Variants in GABRG3 observed in about 807,000 individuals in gnomAD.
GABRG3 encodes gamma-aminobutyric acid receptor subunit gamma-3.
A neutral mutation model predicts 48.8 loss-of-function variants in GABRG3; 25 were observed. The observed-to-expected ratio is 0.51, with a 90% CI of 0.37 to 0.72. The LOEUF (loss-of-function observed/expected upper bound fraction) is 0.72, where lower values mean the gene tolerates loss of function less well. Among genes scored for constraint, GABRG3 ranks in the 30% least tolerant of loss-of-function variants. GABRG3 has a pLI of 0.00. For synonymous variants in GABRG3, 227 were observed against 217.6 expected, an observed-to-expected ratio of 1.04 and a Z score of -0.38; for missense variants, 394 against 577.9, an observed-to-expected ratio of 0.68 and a Z score of 3.26.
intron 3 of GABRG3, among the ~76,000 whole-genome samples, chr15:27,313,262 G>GTGTGTGTATA (rs1430430961): frequency 2.9e-5 from 1 of 34,560 alleles, no homozygotes; most frequent in African/African-American, 9.0e-5. Flanking sequence ...GTGTGTGTGT[G>GTGTGTGTATA]TATATATATA....
intron 3 of GABRG3, among the ~76,000 whole-genome samples, chr15:27,068,069 A>G (rs1896768500): frequency 1.3e-5 from 2 of 152,230 alleles, no homozygotes; most frequent in Non-Finnish European, 2.9e-5. Context: ...GATCATGGCC[A>G]TGGCTCAATG....
chr15:27,307,379 A>G (rs187834854), intron 3 of GABRG3, among the ~76,000 whole-genome samples: 1,048 of 21,852 alleles, frequency 0.048, 290 homozygotes, highest in African/African-American at 0.14. Context: ...AGGTTTATAT[A>G]TTTATATATA....
At chr15:27,483,713 G>A (rs1467768883) in intron 6 of GABRG3, among the ~76,000 whole-genome samples, 1 of 152,322 alleles carries the variant, frequency 6.6e-6, no homozygotes, top group East Asian at 1.9e-4. Flanking sequence ...AACTTAATGA[G>A]TACAGCTGGT....
At chr15:27,307,209 G>T (rs1892606586) in intron 3 of GABRG3, among the ~76,000 whole-genome samples, 2 of 133,104 alleles carry the variant, frequency 1.5e-5, no homozygotes, top group Admixed American at 7.9e-5. Flanking sequence ...ATACAAACAT[G>T]TTTATATATA....
chr15:27,004,640 C>G (rs1257407040), intron 2 of GABRG3, among the ~76,000 whole-genome samples: 2 of 152,210 alleles, frequency 1.3e-5, no homozygotes, highest in Admixed American at 6.5e-5. Context: ...CACGCCACTG[C>G]ACTCCAGCCT....
intron 3 of GABRG3, among the ~76,000 whole-genome samples, chr15:27,312,777 C>A (rs968905380): frequency 6.6e-6 from 1 of 151,976 alleles, no homozygotes; most frequent in Non-Finnish European, 1.5e-5. Flanking sequence ...ATGTTAATAC[C>A]TTCAAGATGA....
chr15:27,104,282 A>C (rs1432570462), intron 3 of GABRG3, among the ~76,000 whole-genome samples: 1 of 152,240 alleles, frequency 6.6e-6, no homozygotes, highest in Non-Finnish European at 1.5e-5. Flanking sequence ...TGGCTGAATC[A>C]GTGGTACGAG....
intron 3 of GABRG3, among the ~76,000 whole-genome samples, chr15:27,056,808 T>C (rs965178973): frequency 3.9e-4 from 59 of 152,216 alleles, no homozygotes; most frequent in African/African-American, 1.4e-3. Context: ...GTAGGGTAGC[T>C]TTTTAAGAAT....
At chr15:27,172,008 G>A (rs535411105) in intron 3 of GABRG3, among the ~76,000 whole-genome samples, 2 of 109,146 alleles carry the variant, frequency 1.8e-5, no homozygotes, top group African/African-American at 4.0e-5. Context: ...ACAGAAAAAC[G>A]GGGCCAAACT....
chr15:27,099,237 A>G (rs1270058885), intron 3 of GABRG3, among the ~76,000 whole-genome samples: 1 of 152,160 alleles, frequency 6.6e-6, no homozygotes, highest in African/African-American at 2.4e-5. Context: ...GTGCTAAGCC[A>G]CTCTGATGAC....
intron 3 of GABRG3, among the ~76,000 whole-genome samples, chr15:27,218,296 C>T (rs1889333027): frequency 6.6e-6 from 1 of 152,180 alleles, no homozygotes; most frequent in Non-Finnish European, 1.5e-5. Context: ...GCACCCAGCC[C>T]TGTTGTCAAC....
At chr15:27,052,141 G>A (rs1049937225) in intron 3 of GABRG3, among the ~76,000 whole-genome samples, 12 of 152,154 alleles carry the variant, frequency 7.9e-5, no homozygotes, top group African/African-American at 2.9e-4. Flanking sequence ...GGGCGTTGGG[G>A]CCCCCTGATC....
chr15:27,287,969 C>T (rs917767597), intron 3 of GABRG3, among the ~76,000 whole-genome samples: 1 of 152,112 alleles, frequency 6.6e-6, no homozygotes, highest in Non-Finnish European at 1.5e-5. Flanking sequence ...GATCTCCTGA[C>T]CTCGTGATCT....
At chr15:27,125,262 A>G (rs968670288) in intron 3 of GABRG3, among the ~76,000 whole-genome samples, 1 of 152,054 alleles carries the variant, frequency 6.6e-6, no homozygotes, top group African/African-American at 2.4e-5. Context: ...TAAATATTGC[A>G]TGGTCTCACT....
At chr15:27,350,233 T>C in intron 5 of GABRG3, 3 of 455,134 alleles carry the variant, frequency 6.6e-6, no homozygotes, top group Non-Finnish European at 1.3e-5. Context: ...TCGCTTCCAT[T>C]CGTGGGGAAA....
chr15:27,058,679 C>G (rs1382416219), intron 3 of GABRG3, among the ~76,000 whole-genome samples: 1 of 151,520 alleles, frequency 6.6e-6, no homozygotes, highest in Non-Finnish European at 1.5e-5. Context: ...GAGCCACCAT[C>G]TTTAAACAAT....
rs550234785 is a variant in GABRG3 at position 27,098,477 on chromosome 15, G to A, written c.270+71656G>A. Among the ~76,000 whole-genome samples, 16 of 152,234 alleles carry A rather than the reference G, an allele frequency of 1.1e-4. 1 individual carries two copies. The South Asian group carries it at 3.3e-3, about 32-fold the overall frequency. Reference sequence around the variant, plus strand: ...AAATACACAAAAAAACTGAATGTCAGTATCTCAGAACCTAATTTTGAAGAT... The same window carrying A: ...AAATACACAAAAAAACTGAATGTCAATATCTCAGAACCTAATTTTGAAGAT... On this transcript the variant is annotated intron_variant, in intron 3 of 9. Coordinates refer to ENST00000615808, the MANE Select transcript of GABRG3 (RefSeq NM_033223.5).
In GABRG3 at chr15:27,344,053, AAGG is replaced by A. The variant is rs1310258420; in HGVS notation, c.574+15170_574+15172del. ...GCTTTGAGGATGATGCTTGCATAAAAAGGAGGACATTCAGCTCATGTGGAAGGC... is the reference window on the plus strand; with the variant it reads ...GCTTTGAGGATGATGCTTGCATAAAAAGGACATTCAGCTCATGTGGAAGGC... On this transcript the variant is annotated intron_variant, in intron 5 of 9. Coordinates refer to ENST00000615808, the MANE Select transcript of GABRG3 (RefSeq NM_033223.5). 2.6e-5 allele frequency among the ~76,000 whole-genome samples: 4 copies of A among 152,380 alleles called. No homozygotes were observed. The East Asian group carries it at 5.8e-4, about 22-fold the overall frequency.
chr15:27,181,204 A>G (rs1887919755), intron 3 of GABRG3, among the ~76,000 whole-genome samples: 1 of 152,174 alleles, frequency 6.6e-6, no homozygotes, highest in Non-Finnish European at 1.5e-5. Context: ...CCACGAGCAC[A>G]GGCAGTAGGG....
Sources: allele counts gnomAD v4.1 joint callset (sites outside exome capture counted in the v4.1 genomes callset), GRCh38; gene constraint gnomAD v4.1.1; transcripts MANE v1.5; gene names NCBI Gene and HGNC (gene_info 2026-07-23, HGNC 2026-07-21).